The following TMC5 variants were observed in gnomAD, a reference collection of about 807,000 sequenced individuals.
The protein encoded by TMC5 is transmembrane channel-like protein 5.
TMC5 carries 86 observed loss-of-function variants against 110.5 expected under a neutral mutation model. The observed-to-expected ratio is 0.78, with a 90% CI of 0.65 to 0.93. The LOEUF (loss-of-function observed/expected upper bound fraction) is 0.93, where lower values mean the gene tolerates loss of function less well. Among genes scored for constraint, TMC5 ranks in the 40% least tolerant of loss-of-function variants. The pLI is 0.00. For missense variants in TMC5, 1,144 were observed against 1,222.8 expected, an observed-to-expected ratio of 0.94 and a Z score of 0.96; for synonymous variants, 455 against 439.5, an observed-to-expected ratio of 1.04 and a Z score of -0.44.
intron 2 of TMC5, among the ~76,000 whole-genome samples, chr16:19,437,055 G>A (rs1199854587): frequency 6.6e-6 from 1 of 152,128 alleles, no homozygotes; most frequent in Non-Finnish European, 1.5e-5. Flanking sequence ...CACACCTGTA[G>A]TCCCAGCTAC....
rs1567297767 is a variant in TMC5 at position 19,427,859 on chromosome 16, TTTC to T, written c.-307-2551_-307-2549del. 2.3e-4 allele frequency among the ~76,000 whole-genome samples: 25 copies of T among 108,154 alleles called. No individual in the cohort carries two copies. The South Asian group carries it at 0.011, about 47-fold the overall frequency. 71.0% of individuals were successfully genotyped at this position (108,154 alleles called of 152,430 possible). A position where few individuals can be genotyped will look rare whatever the true frequency, so the allele number is the denominator to read the frequency against. On this transcript the variant is annotated intron_variant, in intron 1 of 21. Coordinates refer to ENST00000542583, the MANE Select transcript of TMC5 (RefSeq NM_001261841.2). ...TAGATCCATAGTTTCTGCCACTCTC[TTTC>T]TTAAATAGAATGAAAGCCAGCCGCA...
At chr16:19,481,004 T>C (rs1246710787) in intron 14 of TMC5, among the ~76,000 whole-genome samples, 1 of 152,010 alleles carries the variant, frequency 6.6e-6, no homozygotes, top group Non-Finnish European at 1.5e-5. Context: ...AAATGTTTAT[T>C]TGAGTTGAGA....
At chr16:19,494,463 G>A (rs1023019107) in intron 20 of TMC5, 97 bp downstream of exon 20, 15 of 761,254 alleles carry the variant, frequency 2.0e-5, no homozygotes, top group Non-Finnish European at 3.4e-5. Flanking sequence ...TTGGGATCAT[G>A]GAAGGGCCCT....
Position 19,469,990 on chromosome 16 carries a change from G to A in TMC5, c.1782+165G>A, listed in dbSNP as rs368310429. ...GCTCACTGCAGGCTCCGCCTCCCGG[G>A]TTCACGCCATTCTCCTGCCTCAGCC... On this transcript the variant is annotated intron_variant, in intron 10 of 21. Transcript: ENST00000542583. Among the ~76,000 whole-genome samples the A allele has an allele frequency of 1.0e-3, 154 of 151,934 alleles. 3 individuals carry two copies. The South Asian group carries it at 0.031, about 31-fold the overall frequency.
At chr16:19,496,728 T>TA (rs370945127) in intron 20 of TMC5, among the ~76,000 whole-genome samples, 1,517 of 141,018 alleles carry the variant, frequency 0.011, 19 homozygotes, top group African/African-American at 0.034. Flanking sequence ...CTACTAAAAA[T>TA]AAAAAAAAAA....
In TMC5 at chr16:19,440,800, TTC is replaced by T; in HGVS notation, c.764_765del (p.Ser255Ter). The T allele has an allele frequency of 3.1e-6, 5 of 1,613,580 alleles. No homozygotes were observed. Among genetic ancestry groups the T allele is most frequent in the Non-Finnish European group, 3.4e-6 (4 of 1,179,932 alleles). ...CTGAGAATGGTCATGATTATGGCTC[TTC>T]TGAGACCCCAAAGATGACCAGGGGG... ...DAENGHDYGS[S>X]ETPKMTRGVL... On this transcript the variant is annotated frameshift_variant, in exon 3 of 22. Transcript: ENST00000542583. LOFTEE classifies it high-confidence loss of function.
chr16:19,448,326 A>G (rs1281147654), intron 4 of TMC5, among the ~76,000 whole-genome samples: 1 of 142,312 alleles, frequency 7.0e-6, no homozygotes. Context: ...ACACACACAC[A>G]CTTTTTTACT....
rs751284405 is a variant in TMC5 at position 19,440,658 on chromosome 16, A to T, written c.620A>T (p.Tyr207Phe). 2.0e-5 allele frequency: 32 copies of T among 1,614,102 alleles called. No individual in the cohort carries two copies. The highest frequency in any genetic ancestry group is 2.4e-5 in the Non-Finnish European group (28 of 1,180,044). The change falls in exon 3 of 22, where the codon TAT (tyrosine) becomes TTT (phenylalanine). Residue 207 changes from tyrosine (Y) to phenylalanine (F), a missense_variant. By Grantham distance (22) the Tyr-to-Phe change is conservative (BLOSUM62 3). Coordinates refer to ENST00000542583, the MANE Select transcript of TMC5 (RefSeq NM_001261841.2). ...PYADSLGKPD[Y>F]PGADIQPNSP... ...GCAGACTCTCTGGGAAAGCCTGATT[A>T]TCCAGGCGCTGACATTCAACCTAAC...
intron 5 of TMC5, among the ~76,000 whole-genome samples, chr16:19,453,635 G>A (rs1967799183): frequency 6.6e-6 from 1 of 151,852 alleles, no homozygotes; most frequent in Admixed American, 6.6e-5. Flanking sequence ...AGGCCTGGTG[G>A]CGTGCACCTG....
In TMC5 at chr16:19,497,030, G is replaced by A. The variant is rs903013785; in HGVS notation, c.2932-91G>A. On this transcript the variant is annotated intron_variant, in intron 20 of 21. Transcript: ENST00000542583. ...CATCCCTTAACTTCTATAAAATGGT[G>A]AGGGGCTCACAAATTGTGCCAAATA... The A allele has an allele frequency of 9.5e-6, 12 of 1,269,038 alleles. No individual in the cohort carries two copies. The African/African-American group carries it at 1.2e-4, about 12-fold the overall frequency. The allele number at this position is 1,269,038 out of a possible 1,614,324, so 78.6% of individuals were successfully genotyped here.
At chr16:19,418,730 T>G (rs145255007) in intron 1 of TMC5, among the ~76,000 whole-genome samples, 26,808 of 135,324 alleles carry the variant, frequency 0.2, 2,613 homozygotes, top group African/African-American at 0.34. Flanking sequence ...TTTTTGTGTT[T>G]TTTTTTTTTT....
chr16:19,431,239 G>A (rs1032221904), intron 2 of TMC5, among the ~76,000 whole-genome samples: 2 of 152,006 alleles, frequency 1.3e-5, no homozygotes, highest in Admixed American at 1.3e-4. Context: ...AGTTCACCCC[G>A]TTAGAAGATA....
Position 19,477,073 on chromosome 16 carries a change from C to T in TMC5, c.2091-367C>T, listed in dbSNP as rs1028495113. On this transcript the variant is annotated intron_variant, in intron 12 of 21. Coordinates refer to ENST00000542583, the MANE Select transcript of TMC5 (RefSeq NM_001261841.2). ...CATCCTGGCTAACATGGTGAAATCC[C>T]GTCTCTACTAAAAATACAAAAAAAA... 1.7e-4 allele frequency: 37 copies of T among 220,032 alleles called. 1 individual carries two copies. The highest frequency in any genetic ancestry group is 1.9e-3 in the Middle Eastern group (1 of 514). 13.6% of individuals were successfully genotyped at this position (220,032 alleles called of 1,614,324 possible).
chr16:19,438,299 G>A (rs952524711), intron 2 of TMC5, among the ~76,000 whole-genome samples: 1 of 149,522 alleles, frequency 6.7e-6, no homozygotes, highest in Non-Finnish European at 1.5e-5. Context: ...GGCTGAGATG[G>A]GAGGATCGCT....
At chr16:19,432,831 A>G (rs1170312880) in intron 2 of TMC5, among the ~76,000 whole-genome samples, 1 of 152,098 alleles carries the variant, frequency 6.6e-6, no homozygotes, top group Non-Finnish European at 1.5e-5. Flanking sequence ...TCTATCTATC[A>G]TCTATCTACC....
At chr16:19,438,814 A>C (rs1419098456) in intron 2 of TMC5, among the ~76,000 whole-genome samples, 2 of 152,238 alleles carry the variant, frequency 1.3e-5, no homozygotes, top group African/African-American at 4.8e-5. Context: ...GTGTTAAAAG[A>C]AAAACTTTAG....
intron 17 of TMC5, 35 bp downstream of exon 17, chr16:19,487,361 A>T (rs1968771752): frequency 6.2e-7 from 1 of 1,601,172 alleles, no homozygotes; most frequent in East Asian, 2.2e-5. Context: ...GGTTTTAGAG[A>T]CTGGGTGGAT....
intron 1 of TMC5, 22 bp downstream of exon 1, chr16:19,418,114 G>A (rs1966898362): frequency 6.6e-6 from 1 of 152,222 alleles, no homozygotes; most frequent in Non-Finnish European, 1.5e-5. Flanking sequence ...TGCTTTGAAG[G>A]AGGGGTGGGA....
rs866914239 is a variant in TMC5, at chr16:19,469,390, T to C, written c.1638-291T>C. ...AAAAAATTCTGTGAGGTGAGTTTTA[T>C]TGTTATTCCCTCTCTACAGATATGG... On this transcript the variant is annotated intron_variant, in intron 9 of 21. Transcript: ENST00000542583. Among the ~76,000 whole-genome samples the C allele has an allele frequency of 5.3e-5, 8 of 152,150 alleles. No individual in the cohort carries two copies. In the South Asian group the frequency reaches 6.2e-4, roughly 12 times the overall value.
Sources: allele counts gnomAD v4.1 joint callset (sites outside exome capture counted in the v4.1 genomes callset), GRCh38; gene constraint gnomAD v4.1.1; transcripts MANE v1.5; gene names NCBI Gene and HGNC (gene_info 2026-07-23, HGNC 2026-07-21).